DLG2: variants seen among roughly 807,000 people sequenced by gnomAD.
DLG2 encodes disks large homolog 2.
DLG2 carries 45 observed loss-of-function variants against 132.5 expected under a neutral mutation model. The ratio of observed to expected loss-of-function variants is 0.34; its 90% confidence interval spans 0.27 to 0.44. The LOEUF is 0.44. DLG2 is among the 20% of genes least tolerant of loss of function. The pLI is 1.00. For missense variants in DLG2, 1,045 were observed against 1,196.9 expected (o/e 0.87, Z 1.87); for synonymous variants, 424 against 419.6 (o/e 1.01, Z -0.13).
At chr11:84,523,169 G>A (rs6592185) in intron 7 of DLG2, among the ~76,000 whole-genome samples, 51,265 of 152,002 alleles carry the variant, frequency 0.34, 9,210 homozygotes, top group South Asian at 0.49. Flanking sequence ...TTTGTTCTTA[G>A]ATACATACAC....
intron 16 of DLG2, among the ~76,000 whole-genome samples, chr11:83,845,389 C>T (rs2058419039): frequency 6.6e-6 from 1 of 152,204 alleles, no homozygotes; most frequent in Admixed American, 6.5e-5. Flanking sequence ...CTTCTTATAT[C>T]TAAATGAGCT....
At chr11:85,121,213 A>G (rs967494067) in intron 5 of DLG2, among the ~76,000 whole-genome samples, 2 of 152,036 alleles carry the variant, frequency 1.3e-5, no homozygotes, top group African/African-American at 2.4e-5. Context: ...AGTAAAACAT[A>G]ATGTATTCCA....
At chr11:84,600,216 GAAAGAAA>G (rs1412752530) in intron 6 of DLG2, among the ~76,000 whole-genome samples, 1 of 132,932 alleles carries the variant, frequency 7.5e-6, no homozygotes. Context: ...AAGAAAGAAA[GAAAGAAA>G]GAGAAAGAAA....
At chr11:85,498,640 C>A (rs745619536) in intron 3 of DLG2, among the ~76,000 whole-genome samples, 11 of 152,128 alleles carry the variant, frequency 7.2e-5, no homozygotes, top group Non-Finnish European at 7.4e-5. Flanking sequence ...CTTCTCAGCA[C>A]CACATCGCAC....
At chr11:84,286,609 G>T (rs980300706) in intron 7 of DLG2, among the ~76,000 whole-genome samples, 1 of 152,188 alleles carries the variant, frequency 6.6e-6, no homozygotes, top group African/African-American at 2.4e-5. Context: ...CTTTTAGCAT[G>T]CTAATGCACT....
intron 6 of DLG2, among the ~76,000 whole-genome samples, chr11:84,616,782 A>G (rs928723855): frequency 3.3e-5 from 5 of 152,146 alleles, no homozygotes; most frequent in African/African-American, 1.2e-4. Flanking sequence ...GGTGCTTAAC[A>G]AATCTTAAAA....
At chr11:85,223,663 T>A (rs1266273451) in intron 4 of DLG2, among the ~76,000 whole-genome samples, 2 of 152,030 alleles carry the variant, frequency 1.3e-5, no homozygotes, top group African/African-American at 4.8e-5. Context: ...TTTGTTTTTT[T>A]AAAAGAAAGT....
intron 8 of DLG2, among the ~76,000 whole-genome samples, chr11:84,180,860 A>C (rs1485491385): frequency 6.6e-6 from 1 of 152,078 alleles, no homozygotes; most frequent in Non-Finnish European, 1.5e-5. Flanking sequence ...TTCCTCAGAC[A>C]AACAAAAATT....
At chr11:83,874,763 T>C (rs1367120236) in intron 15 of DLG2, among the ~76,000 whole-genome samples, 3 of 152,112 alleles carry the variant, frequency 2.0e-5, no homozygotes, top group Admixed American at 6.6e-5. Flanking sequence ...TTGAAAGAAA[T>C]ACAGTAGAGA....
At chr11:84,844,775 G>A (rs2081252768) in intron 6 of DLG2, among the ~76,000 whole-genome samples, 1 of 152,060 alleles carries the variant, frequency 6.6e-6, no homozygotes. Context: ...ATAAAATTGT[G>A]CATTTAAAAG....
In DLG2 at chr11:83,859,242, G is replaced by T. The variant is rs2061036823; in HGVS notation, c.1565+15178C>A. Among the ~76,000 whole-genome samples, 2 of 152,218 alleles carry T rather than the reference G, an allele frequency of 1.3e-5. 1 individual carries two copies. Among genetic ancestry groups the T allele is most frequent in the South Asian group, 4.1e-4 (2 of 4,834 alleles). ...AAGTGACTTTGGAACTGGGTAACAA[G>T]TAGAGGCTGGACCAGTTTGGAGGGC... On this transcript the variant is annotated intron_variant, in intron 16 of 27. Coordinates refer to ENST00000376104, the MANE Select transcript of DLG2 (RefSeq NM_001142699.3).
chr11:85,217,871 C>T (rs538002839), intron 4 of DLG2, among the ~76,000 whole-genome samples: 2 of 152,216 alleles, frequency 1.3e-5, no homozygotes, highest in East Asian at 3.9e-4. Flanking sequence ...AGAGTATTTC[C>T]TAGATTGTCT....
Position 84,921,010 on chromosome 11 carries a change from A to G in DLG2, c.357+190651T>C, listed in dbSNP as rs193191674. 4.1e-3 allele frequency among the ~76,000 whole-genome samples: 630 copies of G among 152,314 alleles called. 4 individuals carry two copies. Among genetic ancestry groups the G allele is most frequent in the Middle Eastern group, 0.01 (3 of 294 alleles). On this transcript the variant is annotated intron_variant, in intron 6 of 27. Transcript: ENST00000376104. The stretch of plus-strand genomic sequence containing the variant: ...GTTAAAACATGAGAAACTATATACC[A>G]TAAGAGAGAATTCAACAGAACCAAG...
intron 4 of DLG2, among the ~76,000 whole-genome samples, chr11:85,265,041 T>G (rs989239567): frequency 2.6e-5 from 4 of 152,198 alleles, no homozygotes; most frequent in African/African-American, 7.2e-5. Flanking sequence ...TCAAATGTCA[T>G]GTATTTGCAA....
intron 6 of DLG2, among the ~76,000 whole-genome samples, chr11:84,930,226 C>T (rs1488121933): frequency 2.0e-5 from 3 of 152,016 alleles, no homozygotes; most frequent in African/African-American, 7.2e-5. Context: ...ATTTGTATTG[C>T]CCAATTTAGT....
rs545322393 is a variant in DLG2 at position 83,783,368 on chromosome 11, C to T, written c.1825+3322G>A. Among the ~76,000 whole-genome samples the T allele has an allele frequency of 2.6e-5, 4 of 152,274 alleles. No homozygotes were observed. The East Asian group carries it at 5.8e-4, about 22-fold the overall frequency. ...TTATTGCTACATTATGTTAATTAGACATTTTATAAATTATTTATAATTATC... is the reference window on the plus strand; with the variant it reads ...TTATTGCTACATTATGTTAATTAGATATTTTATAAATTATTTATAATTATC... On this transcript the variant is annotated intron_variant, in intron 18 of 27. Transcript: ENST00000376104.
intron 10 of DLG2, among the ~76,000 whole-genome samples, chr11:84,091,191 T>C (rs1415757022): frequency 1.3e-5 from 2 of 152,212 alleles, no homozygotes; most frequent in Admixed American, 6.5e-5. Context: ...AAAAGTTCTA[T>C]TTAAAAAGAA....
chr11:85,600,022 T>G (rs924476247), intron 2 of DLG2, among the ~76,000 whole-genome samples: 4 of 152,202 alleles, frequency 2.6e-5, no homozygotes, highest in Non-Finnish European at 4.4e-5. Context: ...TCCTTTCTCT[T>G]GAACCTTCCA....
At chr11:85,460,932 G>C (rs1376666575) in intron 3 of DLG2, among the ~76,000 whole-genome samples, 1 of 152,144 alleles carries the variant, frequency 6.6e-6, no homozygotes. Context: ...ATTTTCATTT[G>C]TTTTGCCTTT....
Sources: gnomAD v4.1 joint callset for allele counts (sites outside exome capture counted in the v4.1 genomes callset) on GRCh38, gnomAD v4.1.1 for gene constraint, MANE v1.5 for transcripts, NCBI Gene and HGNC (gene_info 2026-07-23, HGNC 2026-07-21) for gene names.